TMEM67: variants seen among roughly 807,000 people sequenced by gnomAD.
TMEM67 encodes transmembrane protein 67, also known as meckelin.
A neutral mutation model predicts 136.6 loss-of-function variants in TMEM67; 124 were observed. The ratio of observed to expected loss-of-function variants is 0.91; its 90% CI spans 0.78 to 1.05. The LOEUF (loss-of-function observed/expected upper bound fraction) is 1.05. TMEM67 is among the 50% of genes least tolerant of loss of function. TMEM67 has a pLI of 0.00. For synonymous variants in TMEM67, 364 were observed against 390.5 expected, an observed-to-expected ratio of 0.93 and a Z score of 0.80; for missense variants, 1,107 against 1,178.4, an observed-to-expected ratio of 0.94 and a Z score of 0.89.
intron 6 of TMEM67, among the ~76,000 whole-genome samples, chr8:93,766,643 C>A (rs1477323291): frequency 6.6e-6 from 1 of 151,868 alleles, no homozygotes; most frequent in African/African-American, 2.4e-5. Flanking sequence ...TTGGGGTGGA[C>A]AGGGTGTGAT....
chr8:93,780,865 T>G lies in TMEM67; in HGVS notation c.870-9T>G. 6.2e-7 allele frequency: 1 copy of G among 1,607,018 alleles called. No homozygotes were observed. Among genetic ancestry groups the G allele is most frequent in the African/African-American group, 1.3e-5 (1 of 74,884 alleles). Reference sequence around the variant, plus strand: ...TCTCCATTATTAAAACAGTTGTAACTGTTTATAGGAGACAGAATCTTCCTT... The same window carrying G: ...TCTCCATTATTAAAACAGTTGTAACGGTTTATAGGAGACAGAATCTTCCTT... On this transcript the variant is annotated splice_polypyrimidine_tract_variant and intron_variant, in intron 8 of 27. Coordinates refer to ENST00000453321, the MANE Select transcript of TMEM67 (RefSeq NM_153704.6).
chr8:93,808,505 TGAATATATA>T (rs1808545096), intron 23 of TMEM67, among the ~76,000 whole-genome samples: 1 of 127,112 alleles, frequency 7.9e-6, no homozygotes, highest in African/African-American at 2.8e-5. Context: ...CTATTATAGA[TGAATATATA>T]TATTTATAAT....
rs386834202 is a variant in TMEM67 at position 93,765,573 on chromosome 8, CAG to C, written c.579_580del (p.Gly195IlefsTer13). ...TTTTTCCCTCATTTATTTATGAAGA[CAG>C]GGGGATTATGTTTCAGCAGCACAGG... On this transcript the variant is annotated frameshift_variant and splice_region_variant, in exon 6 of 28. Coordinates refer to ENST00000453321, the MANE Select transcript of TMEM67 (RefSeq NM_153704.6). LOFTEE classifies it high-confidence loss of function. The C allele has an allele frequency of 1.5e-4, 234 of 1,611,002 alleles. No individual in the cohort carries two copies. Among genetic ancestry groups the C allele is most frequent in the Non-Finnish European group, 1.6e-4 (186 of 1,177,442 alleles).
At chr8:93,769,855 T>C (rs975366233) in intron 6 of TMEM67, among the ~76,000 whole-genome samples, 1 of 152,250 alleles carries the variant, frequency 6.6e-6, no homozygotes, top group African/African-American at 2.4e-5. Context: ...ATAACATACA[T>C]TCTTCCTAAT....
intron 21 of TMEM67, among the ~76,000 whole-genome samples, chr8:93,801,966 A>T (rs1348915347): frequency 6.6e-6 from 1 of 152,234 alleles, no homozygotes; most frequent in East Asian, 1.9e-4. Context: ...ATACCGATAT[A>T]TTTTGTGAGT....
intron 7 of TMEM67, among the ~76,000 whole-genome samples, chr8:93,778,048 G>T (rs574443536): frequency 6.6e-6 from 1 of 152,146 alleles, no homozygotes; most frequent in Non-Finnish European, 1.5e-5. Flanking sequence ...TGTATTGGGT[G>T]CATATATATT....
the TMEM67 span, among the ~76,000 whole-genome samples, chr8:93,825,622 GGAA>G: frequency 3.9e-5 from 6 of 152,300 alleles, no homozygotes; most frequent in African/African-American, 9.6e-5. Flanking sequence ...ATTGTCCCAT[GGAA>G]GAAGGAGTTG....
chr8:93,755,174 A>G (rs1408735290), intron 1 of TMEM67, 37 bp downstream of exon 1: 1 of 1,581,026 alleles, frequency 6.3e-7, no homozygotes, highest in Non-Finnish European at 8.7e-7. Context: ...CAAAAGTAAC[A>G]CTCCCGCCTT....
rs764097983 is a variant in TMEM67 at position 93,799,756 on chromosome 8, C to G, written c.2239C>G (p.Gln747Glu). 3.1e-6 allele frequency: 5 copies of G among 1,612,432 alleles called. No individual in the cohort carries two copies. Among genetic ancestry groups the G allele is most frequent in the African/African-American group, 1.3e-5 (1 of 74,858 alleles). ...AALWLAIGII[Q>E]VVFFAVFYER... is the part of the protein sequence containing the mutation. Reference sequence around the variant, plus strand: ...TCTTTGGCTAGCCATTGGAATTATACAGGTAAGGAATTATACAGGTAATAT... The same window carrying G: ...TCTTTGGCTAGCCATTGGAATTATAGAGGTAAGGAATTATACAGGTAATAT... The change falls in exon 21 of 28, where the codon CAG (glutamine) becomes GAG (glutamate). Residue 747 changes from glutamine to glutamate, a missense_variant and splice_region_variant. This residue lies in a region of TMEM67 where 925 missense variants were observed against 1,002.4 expected (regional missense o/e 0.92). Transcript: ENST00000453321.
downstream of TMEM67, among the ~76,000 whole-genome samples, chr8:93,822,362 C>A (rs542351761): frequency 6.6e-6 from 1 of 152,300 alleles, no homozygotes; most frequent in East Asian, 1.9e-4. Flanking sequence ...ATGTGTGAAG[C>A]AAAAGAACTT....
intron 16 of TMEM67, among the ~76,000 whole-genome samples, chr8:93,794,401 T>C (rs1209530406): frequency 2.0e-5 from 3 of 152,238 alleles, no homozygotes; most frequent in African/African-American, 4.8e-5. Context: ...CAGGCACTTT[T>C]TAAAGCTTTA....
chr8:93,792,687 T>C (rs1171447451), intron 15 of TMEM67, among the ~76,000 whole-genome samples: 1 of 151,056 alleles, frequency 6.6e-6, no homozygotes, highest in African/African-American at 2.5e-5. Context: ...TTCTAGTAAT[T>C]ATAATATATT....
rs956103306 is a variant in TMEM67, at chr8:93,780,565, A to G, written c.715-28A>G. Reference sequence around the variant, plus strand: ...TGCATAGACTGTTCAGGTTCATGTTACTTTTCTTTGCCATTGTTCTGTTGT... The same window carrying G: ...TGCATAGACTGTTCAGGTTCATGTTGCTTTTCTTTGCCATTGTTCTGTTGT... On this transcript the variant is annotated intron_variant, in intron 7 of 27. Transcript: ENST00000453321. The G allele has an allele frequency of 7.4e-6, 12 of 1,613,838 alleles. 1 individual carries two copies. Among genetic ancestry groups the G allele is most frequent in the Admixed American group, 6.7e-5 (4 of 60,016 alleles).
chr8:93,765,097 A>G (rs778517251), intron 4 of TMEM67, among the ~76,000 whole-genome samples: 10 of 152,192 alleles, frequency 6.6e-5, no homozygotes, highest in Non-Finnish European at 1.5e-4. Flanking sequence ...TTTCATTTAT[A>G]TGAGTTTGTT....
chr8:93,780,553 C>G, intron 7 of TMEM67, 40 bp from the exon 8 acceptor site: 2 of 1,612,866 alleles, frequency 1.2e-6, no homozygotes, highest in Non-Finnish European at 1.7e-6. Flanking sequence ...ATAGACTGTT[C>G]AGGTTCATGT....
At chr8:93,776,117 T>C (rs913108168) in intron 7 of TMEM67, among the ~76,000 whole-genome samples, 1 of 152,220 alleles carries the variant, frequency 6.6e-6, no homozygotes, top group African/African-American at 2.4e-5. Context: ...TTGTAGGAAT[T>C]GTGAATGGGA....
rs1469310629 is a variant in TMEM67, at chr8:93,758,486, G to A, written c.316G>A (p.Gly106Ser). The change falls in exon 3 of 28, where the codon GGT (glycine) becomes AGT (serine). Residue 106 changes from glycine (G) to serine (S), a missense_variant. By Grantham distance (56) the Gly-to-Ser change is moderately conservative. This residue lies in a region of TMEM67 where 178 missense variants were observed against 159.2 expected (regional missense o/e 1.12). Coordinates refer to ENST00000453321, the MANE Select transcript of TMEM67 (RefSeq NM_153704.6). ...CATTTTTTTTCTTTTAATTTAGAAA[G>A]GTGTTACAGAAGATGGCTGGAACTG... ...ICKKCPENMKGVTEDGWNCIS... is the reference protein window; with the variant it reads ...ICKKCPENMKSVTEDGWNCIS... 1.9e-6 allele frequency: 3 copies of A among 1,610,044 alleles called. No homozygotes were observed. Among genetic ancestry groups the A allele is most frequent in the Non-Finnish European group, 1.7e-6 (2 of 1,177,170 alleles).
chr8:93,772,839 TTGAA>T (rs917247484), intron 7 of TMEM67, among the ~76,000 whole-genome samples, 188 bp downstream of exon 7: 65 of 152,306 alleles, frequency 4.3e-4, no homozygotes, highest in African/African-American at 1.5e-3. Flanking sequence ...TATACACAAA[TTGAA>T]TGTCTCCAAG....
intron 23 of TMEM67, among the ~76,000 whole-genome samples, chr8:93,805,781 A>C (rs1815124776): frequency 6.6e-6 from 1 of 152,214 alleles, no homozygotes; most frequent in Non-Finnish European, 1.5e-5. Flanking sequence ...TTTTGCAATG[A>C]CTAATGGATT....
Sources: gnomAD v4.1 joint callset for allele counts (sites outside exome capture counted in the v4.1 genomes callset) on GRCh38, gnomAD v4.1.1 for gene constraint, gnomAD v4.1.1 regional missense constraint, MANE v1.5 for transcripts, NCBI Gene and HGNC (gene_info 2026-07-23, HGNC 2026-07-21) for gene names.